TTC19: variants seen among roughly 807,000 people sequenced by gnomAD.
The protein encoded by TTC19 is tetratricopeptide repeat protein 19, mitochondrial.
In TTC19, 38 loss-of-function variants were observed where a neutral mutation model predicts 49.5. That is an observed-to-expected ratio of 0.77 (90% CI 0.59 to 1.01). TTC19 has a LOEUF of 1.01. Among genes scored for constraint, TTC19 ranks in the 50% least tolerant of loss-of-function variants. The probability of loss-of-function intolerance (pLI) is 0.00; values close to 1 mark genes in which losing one functional copy is unlikely to be tolerated. For missense variants in TTC19, 475 were observed against 477.7 expected (o/e 0.99, Z 0.05); for synonymous variants, 204 against 185.2 (o/e 1.10, Z -0.83).
chr17:16,000,373 CG>C (rs1036855701), intron 2 of TTC19, 128 bp downstream of exon 2: 1 of 1,516,734 alleles, frequency 6.6e-7, no homozygotes, highest in African/African-American at 1.4e-5. Flanking sequence ...GTAAAATTGC[CG>C]AGAATGAGGT....
intron 6 of TTC19, 136 bp downstream of exon 6, chr17:16,004,398 C>A: frequency 2.3e-6 from 2 of 854,762 alleles, no homozygotes; most frequent in East Asian, 2.5e-5. Flanking sequence ...CATCCCTCAT[C>A]TTTGAAATTG....
chr17:16,006,411 A>T, intron 6 of TTC19, 63 bp from the exon 7 acceptor site: 8 of 1,237,820 alleles, frequency 6.5e-6, no homozygotes, highest in Non-Finnish European at 9.5e-6. Context: ...ACTCCATCTC[A>T]ACAGAAGGAA....
At position 16,027,460 on chromosome 17, in the gene TTC19, A is replaced by T; in HGVS notation, c.1081A>T (p.Arg361Trp). 15 of 1,614,024 alleles carry T rather than the reference A, an allele frequency of 9.3e-6. No homozygotes were observed. Among genetic ancestry groups the T allele is most frequent in the Non-Finnish European group, 1.3e-5 (15 of 1,179,978 alleles). Reference protein sequence around the residue: ...KKDEISVQHIREELAELSKKS... With the variant: ...KKDEISVQHIWEELAELSKKS... ...AGATGAAATTTCTGTACAACACATC[A>T]GGGAAGAGTTGGCTGAGCTGTCAAA... The change falls in exon 10 of 10, where the codon AGG becomes TGG. Residue 361 changes from arginine (R) to tryptophan (W), a missense_variant. Transcript: ENST00000261647.
chr17:16,002,357 A>C (rs1364246896), intron 3 of TTC19, among the ~76,000 whole-genome samples: 1 of 151,980 alleles, frequency 6.6e-6, no homozygotes, highest in Non-Finnish European at 1.5e-5. Context: ...TTTGTATTGT[A>C]GTAGAGACGA....
At chr17:16,015,462 ATCC>A (rs1255852232) in intron 7 of TTC19, among the ~76,000 whole-genome samples, 1 of 152,164 alleles carries the variant, frequency 6.6e-6, no homozygotes, top group Non-Finnish European at 1.5e-5. Flanking sequence ...CGTATCTGAG[ATCC>A]TCTTCCTTTT....
downstream of TTC19, chr17:16,031,786 A>G (rs568466974): frequency 3.5e-5 from 8 of 231,098 alleles, no homozygotes; most frequent in South Asian, 1.8e-4. Flanking sequence ...TAAAAGTACA[A>G]TGCCCGTGAC....
chr17:16,041,422 T>G (rs1245302239), intron 2 of TTC19: 7 of 147,928 alleles, frequency 4.7e-5, no homozygotes, highest in Admixed American at 4.7e-4. Flanking sequence ...TTTTTTTTTT[T>G]CCTTTGAGAT....
At chr17:16,039,460 C>G (rs1025460116) in intron 2 of TTC19, 1 of 1,614,076 alleles carries the variant, frequency 6.2e-7, no homozygotes, top group Non-Finnish European at 8.5e-7. Context: ...TCCCCTTCCT[C>G]TCTTCGTGTC....
intron 2 of TTC19, chr17:16,039,301 C>T (rs1368308706): frequency 7.0e-6 from 6 of 857,196 alleles, no homozygotes; most frequent in African/African-American, 3.4e-5. Flanking sequence ...TTTTAAGTAA[C>T]GGAAACCCTA....
downstream of TTC19, among the ~76,000 whole-genome samples, chr17:16,034,386 C>T (rs975860683): frequency 6.6e-5 from 10 of 151,948 alleles, no homozygotes; most frequent in East Asian, 1.9e-4. Context: ...TTCAGGAGTT[C>T]GAGACCAGCC....
intron 2 of TTC19, chr17:16,034,998 C>A: frequency 6.5e-7 from 1 of 1,527,948 alleles, no homozygotes; most frequent in Non-Finnish European, 9.0e-7. Flanking sequence ...CAAAAATTAC[C>A]AAAATGCTAA....
chr17:16,023,215 T>C (rs574909032), intron 7 of TTC19: 2 of 152,352 alleles, frequency 1.3e-5, no homozygotes, highest in South Asian at 4.1e-4. Flanking sequence ...TTTAAATGTA[T>C]TTTTAAGATA....
chr17:16,017,570 G>A (rs1445583404), intron 7 of TTC19, among the ~76,000 whole-genome samples: 1 of 151,744 alleles, frequency 6.6e-6, no homozygotes, highest in African/African-American at 2.4e-5. Context: ...GACCAGCCTG[G>A]CCAACATAGT....
In TTC19 at chr17:16,001,071, C is replaced by T. The variant is rs539047066; in HGVS notation, c.312+826C>T. On this transcript the variant is annotated intron_variant, in intron 2 of 9. Transcript: ENST00000261647. ...ACCCTAGTGCAAACCATCATTGCCA[C>T]CAACTATGCTCCAGTAGTCTTTCCT... is the stretch of plus-strand genomic sequence containing the variant. 3.3e-4 allele frequency among the ~76,000 whole-genome samples: 51 copies of T among 152,268 alleles called. 1 individual carries two copies. Among genetic ancestry groups the T allele is most frequent in the Admixed American group, 3.2e-3 (49 of 15,302 alleles).
chr17:16,035,328 A>C (rs1296987153), intron 2 of TTC19, among the ~76,000 whole-genome samples: 3 of 152,140 alleles, frequency 2.0e-5, no homozygotes, highest in Non-Finnish European at 2.9e-5. Flanking sequence ...CTTCTTTATT[A>C]ACTGGGTTTA....
chr17:16,028,281 A>C lies in TTC19; in HGVS notation c.*759A>C. 1 of 454,108 alleles carries C rather than the reference A, an allele frequency of 2.2e-6. No homozygotes were observed. The highest frequency in any genetic ancestry group is 6.9e-4 in the Middle Eastern group (1 of 1,444). The allele number at this position is 454,108 out of a possible 1,614,324, so 28.1% of individuals were successfully genotyped here. A position where few individuals can be genotyped will look rare whatever the true frequency, so the allele number is the denominator to read the frequency against. On this transcript the variant is annotated 3_prime_UTR_variant, in exon 10 of 10. Transcript: ENST00000261647. ...TTAGTCACACAACTGAGTCATCTCA[A>C]GTACTCTTTAAGGACACACAGCCCA...
At chr17:16,043,586 A>G (rs1232599974) in intron 2 of TTC19, among the ~76,000 whole-genome samples, 1 of 152,246 alleles carries the variant, frequency 6.6e-6, no homozygotes, top group Non-Finnish European at 1.5e-5. Context: ...AGAAAAAACT[A>G]TAAAGTAGGC....
At chr17:16,034,134 C>G (rs1973380412), downstream of TTC19, among the ~76,000 whole-genome samples, 1 of 152,180 alleles carries the variant, frequency 6.6e-6, no homozygotes, top group Admixed American at 6.5e-5. Flanking sequence ...GTACAGTTCT[C>G]AAAAGAACTA....
chr17:16,017,811 T>C (rs1245815929), intron 7 of TTC19, among the ~76,000 whole-genome samples: 2 of 151,564 alleles, frequency 1.3e-5, no homozygotes, highest in Non-Finnish European at 2.9e-5. Context: ...TTGGTCTAAT[T>C]ATTGCATTTT....
Sources: allele counts gnomAD v4.1 joint callset (sites outside exome capture counted in the v4.1 genomes callset), GRCh38; gene constraint gnomAD v4.1.1; transcripts MANE v1.5; gene names NCBI Gene and HGNC (gene_info 2026-07-23, HGNC 2026-07-21).